Variants in CLNK observed in about 807,000 individuals in gnomAD.
CLNK encodes the protein cytokine-dependent hematopoietic cell linker.
CLNK carries 74 observed loss-of-function variants against 68.6 expected under a neutral mutation model. The observed-to-expected ratio is 1.08, with a 90% CI of 0.89 to 1.31. CLNK has a LOEUF of 1.31. CLNK is among the 50% of genes most tolerant of loss of function. The pLI, the probability that CLNK is intolerant of heterozygous loss-of-function variation, is 0.00. For missense variants in CLNK, 553 were observed against 515.3 expected (o/e 1.07, Z -0.71); for synonymous variants, 198 against 172.2 (o/e 1.15, Z -1.17).
chr4:10,569,199 T>G (rs1480138047), intron 5 of CLNK, among the ~76,000 whole-genome samples: 2 of 151,902 alleles, frequency 1.3e-5, no homozygotes, highest in East Asian at 3.9e-4. Context: ...TTTTTTTTTT[T>G]TTTTTTTGGT....
intron 1 of CLNK, among the ~76,000 whole-genome samples, chr4:10,681,409 C>G (rs1163986077): frequency 6.6e-6 from 1 of 152,122 alleles, no homozygotes; most frequent in Non-Finnish European, 1.5e-5. Context: ...TTAGTCAGCC[C>G]TTATCTTTAT....
chr4:10,579,592 T>C (rs1392972985), intron 4 of CLNK, among the ~76,000 whole-genome samples: 1 of 152,212 alleles, frequency 6.6e-6, no homozygotes, highest in Non-Finnish European at 1.5e-5. Flanking sequence ...AAAGGGGTCC[T>C]TGGAAAGTTT....
At position 10,676,399 on chromosome 4, in the gene CLNK, T is replaced by A. The variant is rs532792139; in HGVS notation, c.-43+8269A>T. ...GCATTGTTATTATAGATTTCTTTTT[T>A]TTTTTTTTTGAGGGGTAAGGGAGAG... On this transcript the variant is annotated intron_variant, in intron 1 of 18. Coordinates refer to ENST00000226951, the MANE Select transcript of CLNK (RefSeq NM_052964.4). 1.1e-4 allele frequency among the ~76,000 whole-genome samples: 17 copies of A among 151,014 alleles called. No homozygotes were observed. In the South Asian group the frequency reaches 3.5e-3, roughly 31 times the overall value.
chr4:10,508,963 C>T (rs1024472883), intron 16 of CLNK, among the ~76,000 whole-genome samples: 3 of 151,974 alleles, frequency 2.0e-5, no homozygotes, highest in Admixed American at 6.6e-5. Context: ...AAAAATTAGC[C>T]GGGTGTAGTG....
chr4:10,567,318 T>C (rs1219783796), intron 5 of CLNK, among the ~76,000 whole-genome samples: 1 of 152,128 alleles, frequency 6.6e-6, no homozygotes, highest in Non-Finnish European at 1.5e-5. Flanking sequence ...AGAAGTGTAC[T>C]AAGACAATAC....
chr4:10,610,004 C>T (rs947205956), intron 2 of CLNK, among the ~76,000 whole-genome samples: 13 of 135,666 alleles, frequency 9.6e-5, no homozygotes, highest in Non-Finnish European at 1.8e-4. Flanking sequence ...CTAATTAAGC[C>T]TCGTTATGTG....
At position 10,655,148 on chromosome 4, in the gene CLNK, T is replaced by A. The variant is rs1489915006; in HGVS notation, c.11+12711A>T. 2.0e-5 allele frequency among the ~76,000 whole-genome samples: 3 copies of A among 150,914 alleles called. No homozygotes were observed. In the South Asian group the frequency reaches 6.3e-4, roughly 32 times the overall value. On this transcript the variant is annotated intron_variant, in intron 2 of 18. Coordinates refer to ENST00000226951, the MANE Select transcript of CLNK (RefSeq NM_052964.4). ...GATTTCTCAAAAAGATGTTAAGGTC[T>A]GGTCTTTTGGAAAGAAAATTATGAA...
chr4:10,651,027 G>A (rs564252064), intron 2 of CLNK, among the ~76,000 whole-genome samples: 5 of 152,048 alleles, frequency 3.3e-5, no homozygotes, highest in Non-Finnish European at 4.4e-5. Flanking sequence ...TGAGAATGGC[G>A]ATCATTAAAA....
chr4:10,507,965 C>CCACG lies in CLNK; in HGVS notation c.977_978insCGTG (p.Glu326AspfsTer7). Reference sequence around the variant, plus strand: ...GCCACGTAGAAGGCATTACCTTGTTCTCCTTCATGAATGCCTCTTCCACTG... The same window carrying CCACG: ...GCCACGTAGAAGGCATTACCTTGTTCCACGTCCTTCATGAATGCCTCTTCCACTG... On this transcript the variant is annotated frameshift_variant, in exon 17 of 19. Coordinates refer to ENST00000226951, the MANE Select transcript of CLNK (RefSeq NM_052964.4). LOFTEE classifies it high-confidence loss of function. 1 of 1,604,940 alleles carries CCACG rather than the reference C, an allele frequency of 6.2e-7. No homozygotes were observed. The highest frequency in any genetic ancestry group is 2.2e-5 in the East Asian group (1 of 44,766).
chr4:10,667,632 C>T (rs1166945114), intron 2 of CLNK, among the ~76,000 whole-genome samples: 3 of 146,142 alleles, frequency 2.1e-5, no homozygotes, highest in Non-Finnish European at 4.5e-5. Flanking sequence ...GCCCACCACA[C>T]ACCCATGCTG....
intron 2 of CLNK, among the ~76,000 whole-genome samples, chr4:10,658,409 A>G (rs7660337): frequency 0.044 from 6,749 of 152,190 alleles, 507 homozygotes; most frequent in African/African-American, 0.15. Context: ...TGCCTAACAC[A>G]CCACTCCAAA....
chr4:10,550,836 C>T (rs1205601783), intron 8 of CLNK, among the ~76,000 whole-genome samples: 1 of 152,192 alleles, frequency 6.6e-6, no homozygotes, highest in Non-Finnish European at 1.5e-5. Flanking sequence ...TTTACATCTT[C>T]TCTTTGGCAA....
At chr4:10,724,090 A>G in the CLNK span, among the ~76,000 whole-genome samples, 1 of 152,196 alleles carries the variant, frequency 6.6e-6, no homozygotes. Flanking sequence ...TGCTCTCAGC[A>G]TAAGTCCTTA....
chr4:10,699,290 A>G, the CLNK span, among the ~76,000 whole-genome samples: 145 of 56,090 alleles, frequency 2.6e-3, 3 homozygotes, highest in African/African-American at 6.0e-3. Context: ...ACATACGTGT[A>G]TACACACACA....
chr4:10,553,240 A>G (rs982396264), intron 8 of CLNK, among the ~76,000 whole-genome samples: 1 of 152,204 alleles, frequency 6.6e-6, no homozygotes, highest in African/African-American at 2.4e-5. Flanking sequence ...TTTTTCTAAA[A>G]TGTGTTCTAA....
At chr4:10,732,852 A>G in the CLNK span, among the ~76,000 whole-genome samples, 2 of 152,156 alleles carry the variant, frequency 1.3e-5, no homozygotes, top group African/African-American at 4.8e-5. Flanking sequence ...GAAGTGTCAG[A>G]CAATTATATC....
intron 8 of CLNK, among the ~76,000 whole-genome samples, chr4:10,552,401 C>A (rs1193844810): frequency 6.6e-6 from 1 of 152,140 alleles, no homozygotes; most frequent in East Asian, 1.9e-4. Flanking sequence ...GCCACTATTG[C>A]CAAGGTTATA....
Position 10,598,015 on chromosome 4 carries a change from C to A in CLNK, c.46G>T (p.Asp16Tyr), listed in dbSNP as rs201145337. The A allele has an allele frequency of 3.8e-6, 6 of 1,589,496 alleles. No individual in the cohort carries two copies. Among genetic ancestry groups the A allele is most frequent in the Non-Finnish European group, 4.3e-6 (5 of 1,166,378 alleles). The change falls in exon 3 of 19, where the codon GAT (aspartate) becomes TAT (tyrosine). Residue 16 changes from aspartate (D) to tyrosine (Y), a missense_variant. Transcript: ENST00000226951. Reference sequence around the variant, plus strand: ...AGACTGAAGTTCTGGAATTTCAAATCGTTGGATCCTTCTTTAGTTGTCTTT... The same window carrying A: ...AGACTGAAGTTCTGGAATTTCAAATAGTTGGATCCTTCTTTAGTTGTCTTT... ...NRKTTKEGSN[D>Y]LKFQNFSLPK...
At chr4:10,659,790 T>C (rs1216257940) in intron 2 of CLNK, among the ~76,000 whole-genome samples, 3 of 152,226 alleles carry the variant, frequency 2.0e-5, no homozygotes. Context: ...GGAATTCCTT[T>C]TTTTTTCCTT....
Sources: allele counts gnomAD v4.1 joint callset (sites outside exome capture counted in the v4.1 genomes callset), GRCh38; gene constraint gnomAD v4.1.1; transcripts MANE v1.5; gene names NCBI Gene and HGNC (gene_info 2026-07-23, HGNC 2026-07-21).